SPEF2: variants seen among roughly 807,000 people sequenced by gnomAD.
SPEF2 encodes sperm flagella and cilia-associated protein 2.
In SPEF2, 187 loss-of-function variants were observed where a neutral mutation model predicts 224.6. The observed-to-expected ratio is 0.83, with a 90% CI of 0.74 to 0.94. SPEF2 has a LOEUF of 0.94. Ranked by LOEUF, SPEF2 falls within the 40% of genes least tolerant of loss-of-function variation. The pLI is 0.00. For synonymous variants in SPEF2, 715 were observed against 707.3 expected, an observed-to-expected ratio of 1.01 and a Z score of -0.17; for missense variants, 2,170 against 2,135.6, an observed-to-expected ratio of 1.02 and a Z score of -0.32.
At chr5:35,665,386 A>T (rs1203646124) in intron 8 of SPEF2, among the ~76,000 whole-genome samples, 1 of 147,926 alleles carries the variant, frequency 6.8e-6, no homozygotes, top group African/African-American at 2.5e-5. Flanking sequence ...GATGGTAGAT[A>T]TAGAAAAGGA....
chr5:35,793,376 A>G (rs369040177), intron 32 of SPEF2, 35 bp downstream of exon 32: 1 of 1,593,378 alleles, frequency 6.3e-7, no homozygotes, highest in Admixed American at 1.7e-5. Flanking sequence ...TGATAACACC[A>G]GAACACTTGT....
chr5:35,739,920 A>C lies in SPEF2; in HGVS notation c.3065A>C (p.Glu1022Ala). 1 of 1,613,022 alleles carries C rather than the reference A, an allele frequency of 6.2e-7. No homozygotes were observed. Among genetic ancestry groups the C allele is most frequent in the Non-Finnish European group, 8.5e-7 (1 of 1,179,776 alleles). ...TTTCTACACTTTACCATTTAACAGG[A>C]AATGCCTTTGTTTTTAGTACCTTAC... ...WVYVNEPVPE[E>A]MPLFLVPYWE... is the part of the protein sequence containing the mutation. Residue 1022 changes from glutamate (E) to alanine (A), a missense_variant and splice_region_variant, in exon 22 of 37, where the codon GAA becomes GCA. Transcript: ENST00000356031.
rs376406230 is a variant in SPEF2, at chr5:35,631,392, A to G, written c.161+2830A>G. On this transcript the variant is annotated intron_variant, in intron 2 of 36. Transcript: ENST00000356031. ...AAACCATATCAGTTAGTGATTAGGA[A>G]AATGCAAATCAAGATCACAAGACAC... Among the ~76,000 whole-genome samples the G allele has an allele frequency of 6.6e-5, 10 of 152,312 alleles. No homozygotes were observed. The South Asian group carries it at 1.2e-3, about 19-fold the overall frequency.
intron 30 of SPEF2, among the ~76,000 whole-genome samples, chr5:35,786,877 G>T (rs1755216249): frequency 6.6e-6 from 1 of 152,092 alleles, no homozygotes; most frequent in South Asian, 2.1e-4. Flanking sequence ...AGTCAGAGGG[G>T]TCAAACCCTA....
intron 33 of SPEF2, among the ~76,000 whole-genome samples, chr5:35,799,699 C>T (rs546528685): frequency 4.6e-5 from 7 of 152,264 alleles, no homozygotes; most frequent in South Asian, 2.1e-4. Context: ...TGCAGTCCCC[C>T]ACTACCCTTA....
At chr5:35,796,609 CA>C (rs11411191) in intron 33 of SPEF2, among the ~76,000 whole-genome samples, 1,976 of 144,234 alleles carry the variant, frequency 0.014, 35 homozygotes, top group African/African-American at 0.047. Flanking sequence ...GAGACTGTCT[CA>C]AAAAAAAAAA....
chr5:35,689,533 T>C (rs1022075617), intron 10 of SPEF2, among the ~76,000 whole-genome samples: 11 of 152,176 alleles, frequency 7.2e-5, no homozygotes, highest in Non-Finnish European at 1.3e-4. Context: ...TAGTCCCCAG[T>C]GTTCATTGTT....
chr5:35,747,982 C>A (rs936654246), intron 23 of SPEF2, among the ~76,000 whole-genome samples: 1 of 152,102 alleles, frequency 6.6e-6, no homozygotes, highest in Admixed American at 6.5e-5. Context: ...TTATATCAAG[C>A]ACTCTCTTAG....
chr5:35,646,653 T>TA lies in SPEF2; in HGVS notation c.586-13dup. The TA allele has an allele frequency of 6.2e-7, 1 of 1,611,824 alleles. No homozygotes were observed. The highest frequency in any genetic ancestry group is 8.5e-7 in the Non-Finnish European group (1 of 1,178,698). On this transcript the variant is annotated splice_polypyrimidine_tract_variant and intron_variant, in intron 4 of 36. Coordinates refer to ENST00000356031, the MANE Select transcript of SPEF2 (RefSeq NM_024867.4). ...TATTCTGAATCACTAAACTAATGTA[T>TA]ATGGGATATTCAGCAATACTTAAAC...
chr5:35,746,460 T>C (rs1207493290), intron 23 of SPEF2, among the ~76,000 whole-genome samples: 1 of 152,054 alleles, frequency 6.6e-6, no homozygotes, highest in East Asian at 1.9e-4. Context: ...AGGAAATAGA[T>C]AGCTAAAAGA....
intron 10 of SPEF2, among the ~76,000 whole-genome samples, chr5:35,684,730 G>A (rs16902409): frequency 0.33 from 50,462 of 152,050 alleles, 8,927 homozygotes; most frequent in South Asian, 0.44. Context: ...AAGCAAGCAA[G>A]TAGCAGAAGC....
intron 20 of SPEF2, among the ~76,000 whole-genome samples, chr5:35,725,682 T>C (rs1230089377): frequency 6.6e-6 from 1 of 152,200 alleles, no homozygotes; most frequent in Non-Finnish European, 1.5e-5. Flanking sequence ...TATTATTATC[T>C]CTTTGCTCAA....
intron 13 of SPEF2, among the ~76,000 whole-genome samples, chr5:35,694,586 A>G (rs1328458505): frequency 2.6e-5 from 4 of 152,320 alleles, no homozygotes; most frequent in African/African-American, 7.2e-5. Flanking sequence ...CCTCCTTCGA[A>G]TAGTTGATTA....
chr5:35,801,909 C>G (rs571407982), intron 34 of SPEF2, among the ~76,000 whole-genome samples: 6 of 152,292 alleles, frequency 3.9e-5, no homozygotes, highest in African/African-American at 1.4e-4. Flanking sequence ...GTACAGAGCT[C>G]AGTAAACATT....
chr5:35,753,032 T>G (rs1015602376), intron 23 of SPEF2, among the ~76,000 whole-genome samples: 2 of 150,706 alleles, frequency 1.3e-5, no homozygotes, highest in Admixed American at 6.6e-5. Flanking sequence ...TATTTATATA[T>G]AAATAGTATG....
At chr5:35,750,776 A>G (rs1440829957) in intron 23 of SPEF2, among the ~76,000 whole-genome samples, 1 of 151,742 alleles carries the variant, frequency 6.6e-6, no homozygotes, top group Non-Finnish European at 1.5e-5. Flanking sequence ...ACACTATGGA[A>G]AACAGTGTGG....
chr5:35,617,887 A>G lies in SPEF2; in HGVS notation c.-111A>G, dbSNP rs1742866277. The G allele has an allele frequency of 9.8e-7, 1 of 1,022,202 alleles. No homozygotes were observed. The highest frequency in any genetic ancestry group is 1.4e-5 in the South Asian group (1 of 72,558). 63.3% of individuals were successfully genotyped at this position (1,022,202 alleles called of 1,614,324 possible). A position where few individuals can be genotyped will look rare whatever the true frequency, so the allele number is the denominator to read the frequency against. ...CCTTTCGCCTAGTTCCAGCCTGGAT[A>G]CGCTTCCATAGCAAAGGGTTGCCCT... On this transcript the variant is annotated 5_prime_UTR_variant, in exon 1 of 37. It adds an upstream start codon to the 5' untranslated region. Coordinates refer to ENST00000356031, the MANE Select transcript of SPEF2 (RefSeq NM_024867.4).
Position 35,692,638 on chromosome 5 carries a change from G to T in SPEF2, c.1813G>T (p.Glu605Ter), listed in dbSNP as rs1462092994. 2 of 1,613,614 alleles carry T rather than the reference G, an allele frequency of 1.2e-6. No homozygotes were observed. Among genetic ancestry groups the T allele is most frequent in the South Asian group, 2.2e-5 (2 of 91,050 alleles). The change falls in exon 12 of 37, where the codon GAA becomes TAA. Residue 605 changes from glutamate (E) to a stop codon, truncating the protein, a stop_gained. Transcript: ENST00000356031. LOFTEE classifies it high-confidence loss of function. ...AGCTATCCAAGCATTTCATGACAAT[G>T]AAAAAGTCAGTGAGGTTCTACCAAT... ...QEAIQAFHDNEKVSEVLPIQK... is the reference protein window; with the variant it reads ...QEAIQAFHDN
At chr5:35,647,306 G>A (rs1363607568) in intron 5 of SPEF2, among the ~76,000 whole-genome samples, 1 of 151,852 alleles carries the variant, frequency 6.6e-6, no homozygotes, top group Non-Finnish European at 1.5e-5. Flanking sequence ...ATTACATGGG[G>A]GGAGAGAAAG....
Sources: gnomAD v4.1 joint callset for allele counts (sites outside exome capture counted in the v4.1 genomes callset) on GRCh38, gnomAD v4.1.1 for gene constraint, MANE v1.5 for transcripts, NCBI Gene and HGNC (gene_info 2026-07-23, HGNC 2026-07-21) for gene names.